The following KCNMB3 variants were observed in gnomAD, a reference collection of about 807,000 sequenced individuals.
The protein encoded by KCNMB3 is calcium-activated potassium channel subunit beta-3.
A neutral mutation model predicts 11.9 loss-of-function variants in KCNMB3; 18 were observed. The observed-to-expected ratio is 1.51, with a 90% confidence interval of 1.04 to 2.23. The LOEUF (loss-of-function observed/expected upper bound fraction) is 2.23, where lower values mean the gene tolerates loss of function less well. Ranked by LOEUF, KCNMB3 falls within the 30% of genes most tolerant of loss-of-function variation. KCNMB3 has a pLI of 0.00. For synonymous variants in KCNMB3, 78 were observed against 119.2 expected, an observed-to-expected ratio of 0.65 and a Z score of 2.25; for missense variants, 247 against 329.4, an observed-to-expected ratio of 0.75 and a Z score of 1.94.
chr3:179,255,917 G>C (rs781018118), upstream of KCNMB3, among the ~76,000 whole-genome samples: 6 of 152,126 alleles, frequency 3.9e-5, no homozygotes, highest in Non-Finnish European at 7.4e-5. Context: ...AATATACTGA[G>C]AAAAAGTAAC....
chr3:179,266,139 G>A (rs1726364360), intron 1 of KCNMB3, among the ~76,000 whole-genome samples: 2 of 152,342 alleles, frequency 1.3e-5, no homozygotes, highest in South Asian at 4.1e-4. Context: ...GAGAAGTTAA[G>A]TGACTTGCCC....
chr3:179,262,210 T>A (rs147665081), intron 1 of KCNMB3, among the ~76,000 whole-genome samples: 1 of 152,366 alleles, frequency 6.6e-6, no homozygotes, highest in African/African-American at 2.4e-5. Flanking sequence ...ACAAGTTTTA[T>A]CTAAATGATA....
chr3:179,242,052 T>C (rs554017400), downstream of KCNMB3: 10 of 153,966 alleles, frequency 6.5e-5, no homozygotes, highest in East Asian at 1.9e-3. Context: ...AACTCTAAAC[T>C]TAGTGAATTT....
chr3:179,260,698 G>A, intron 1 of KCNMB3: 3 of 1,397,054 alleles, frequency 2.1e-6, no homozygotes, highest in Non-Finnish European at 1.0e-6. Flanking sequence ...CATGTTTCTC[G>A]AGCATTTCCT....
At chr3:179,265,543 T>C (rs948994647) in intron 1 of KCNMB3, among the ~76,000 whole-genome samples, 6 of 152,054 alleles carry the variant, frequency 3.9e-5, no homozygotes, top group Non-Finnish European at 7.4e-5. Flanking sequence ...TGCAACCTCC[T>C]CCTCCCAGGT....
chr3:179,263,905 A>G (rs1342280926), intron 1 of KCNMB3, among the ~76,000 whole-genome samples: 1 of 146,280 alleles, frequency 6.8e-6, no homozygotes, highest in African/African-American at 2.6e-5. Flanking sequence ...TCCCGGGTTC[A>G]AGCAATTCTC....
chr3:179,260,493 A>C, intron 1 of KCNMB3: 1 of 1,609,744 alleles, frequency 6.2e-7, no homozygotes, highest in South Asian at 1.1e-5. Context: ...ATTGTGCAAG[A>C]TTTCTCTTTT....
chr3:179,266,693 G>A (rs947878332), exon 1 of KCNMB3: 3 of 1,614,078 alleles, frequency 1.9e-6, no homozygotes, highest in East Asian at 2.2e-5. Flanking sequence ...TTTGCACGGG[G>A]ATGCTGAAGG....
At chr3:179,249,175 G>C (rs1725748037) in intron 1 of KCNMB3, among the ~76,000 whole-genome samples, 2 of 151,094 alleles carry the variant, frequency 1.3e-5, no homozygotes, top group South Asian at 4.2e-4. Context: ...ACCGTGCCCA[G>C]CTAATTTTTT....
chr3:179,241,158 A>T (rs1404917744), downstream of KCNMB3: 1 of 152,024 alleles, frequency 6.6e-6, no homozygotes, highest in Non-Finnish European at 1.5e-5. Context: ...TAAATAAATG[A>T]TCTAACATTT....
intron 1 of KCNMB3, chr3:179,260,043 C>T (rs1726152266): frequency 6.2e-7 from 1 of 1,612,146 alleles, no homozygotes; most frequent in Non-Finnish European, 8.5e-7. Flanking sequence ...ATGCCCTATG[C>T]TTGTCTCTAA....
At chr3:179,254,886 C>A (rs1431865160), upstream of KCNMB3, among the ~76,000 whole-genome samples, 2 of 152,108 alleles carry the variant, frequency 1.3e-5, no homozygotes, top group African/African-American at 2.4e-5. Context: ...ACACAACAGC[C>A]AGGCGAGGTA....
chr3:179,263,800 C>CTTTTTTTTTTTTTTTTTTTTTTT (rs60270913), intron 1 of KCNMB3, among the ~76,000 whole-genome samples: 31 of 59,960 alleles, frequency 5.2e-4, no homozygotes, highest in South Asian at 8.4e-4. Context: ...TTTTTCTTTT[C>CTTTTTTTTTTTTTTTTTTTTTTT]TTTTTTTTTT....
chr3:179,251,453 A>G, upstream of KCNMB3: 1 of 1,409,214 alleles, frequency 7.1e-7, no homozygotes, highest in Non-Finnish European at 9.2e-7. Flanking sequence ...CAGTCCACTC[A>G]GAATTATGAA....
In KCNMB3 at chr3:179,242,954, A is replaced by G. The variant is rs757129400; in HGVS notation, c.778T>C (p.Phe260Leu). The G allele has an allele frequency of 1.2e-5, 20 of 1,609,102 alleles. No individual in the cohort carries two copies. Among genetic ancestry groups the G allele is most frequent in the Non-Finnish European group, 1.7e-5 (20 of 1,178,360 alleles). The change falls in exon 3 of 3, where the codon TTC (phenylalanine) becomes CTC (leucine). Residue 260 changes from phenylalanine to leucine, a missense_variant. Transcript: ENST00000392685. ...CTCCTCCTCATAATGCACAGTTTGAACTGATGCTGTTCTATATAAGGTACT... is the reference window on the plus strand; with the variant it reads ...CTCCTCCTCATAATGCACAGTTTGAGCTGATGCTGTTCTATATAAGGTACT... ...GKVPYIEQHQ[F>L]KLCIMRRSKG...
chr3:179,253,835 A>G (rs1045255758), upstream of KCNMB3, among the ~76,000 whole-genome samples: 4 of 152,128 alleles, frequency 2.6e-5, no homozygotes, highest in African/African-American at 9.7e-5. Context: ...TAAATTTAAA[A>G]ATTTTTTTAA....
chr3:179,263,273 C>G (rs1352898049), intron 1 of KCNMB3, among the ~76,000 whole-genome samples: 1 of 152,256 alleles, frequency 6.6e-6, no homozygotes, highest in Non-Finnish European at 1.5e-5. Flanking sequence ...CCTCACTGTC[C>G]GTGGCTTGTA....
chr3:179,243,137 T>C lies in KCNMB3; in HGVS notation c.595A>G (p.Lys199Glu). ...AAGATAGCCATTTGGTCATACTTTT[T>C]TATAAGAATGACATCTTCAGATTGG... ...ASQSEDVILI[K>E]KYDQMAIFHC... Residue 199 changes from lysine (K) to glutamate (E), a missense_variant, in exon 3 of 3, where the codon AAA becomes GAA. Physicochemically the swap from Lys to Glu is moderately conservative, Grantham distance 56. Transcript: ENST00000392685. The C allele has an allele frequency of 6.5e-7, 1 of 1,534,914 alleles. No homozygotes were observed. The highest frequency in any genetic ancestry group is 8.9e-7 in the Non-Finnish European group (1 of 1,127,566).
rs1489841973 is a variant in KCNMB3, at chr3:179,259,571, C to T, written c.62+7078G>A. On this transcript the variant is annotated intron_variant, in intron 1 of 3. Transcript: ENST00000349697. Reference sequence around the variant, plus strand: ...TTTTCTGTTTTGGATTTTCAGTCACCTCGTTTTGGGCTTCCACTGCTGACT... The same window carrying T: ...TTTTCTGTTTTGGATTTTCAGTCACTTCGTTTTGGGCTTCCACTGCTGACT... The T allele has an allele frequency of 3.1e-6, 5 of 1,608,538 alleles. No homozygotes were observed. In the African/African-American group the frequency reaches 5.4e-5, roughly 17 times the overall value.
Sources: allele counts gnomAD v4.1 joint callset (sites outside exome capture counted in the v4.1 genomes callset), GRCh38; gene constraint gnomAD v4.1.1; transcripts MANE v1.5; gene names NCBI Gene and HGNC (gene_info 2026-07-23, HGNC 2026-07-21).